Variants in ATF7 observed in about 807,000 individuals in gnomAD.
ATF7 encodes cyclic AMP-dependent transcription factor ATF-7.
ATF7 carries 10 observed loss-of-function variants against 50.4 expected under a neutral mutation model. That is an observed-to-expected ratio of 0.20 (90% CI 0.12 to 0.34). ATF7 has a LOEUF of 0.34. ATF7 is among the 10% of genes least tolerant of loss of function. The pLI, the probability that ATF7 is intolerant of heterozygous loss-of-function variation, is 1.00. For missense variants in ATF7, 465 were observed against 613.9 expected (o/e 0.76, Z 2.56); for synonymous variants, 201 against 226.4 (o/e 0.89, Z 1.01).
chr12:53,527,360 T>C (rs1263831222), intron 9 of ATF7, among the ~76,000 whole-genome samples: 2 of 151,702 alleles, frequency 1.3e-5, no homozygotes, highest in Admixed American at 1.3e-4. Flanking sequence ...TGCATTCCTG[T>C]CATTCCAGCT....
At chr12:53,610,440 CT>C (rs1359500688) in intron 1 of ATF7, among the ~76,000 whole-genome samples, 1 of 151,884 alleles carries the variant, frequency 6.6e-6, no homozygotes, top group Non-Finnish European at 1.5e-5. Flanking sequence ...TGGCAGGCAC[CT>C]GTAATCCCAG....
chr12:53,614,472 TACCTTTTA>T (rs1405875233), intron 1 of ATF7, among the ~76,000 whole-genome samples: 2 of 152,208 alleles, frequency 1.3e-5, no homozygotes, highest in African/African-American at 4.8e-5. Flanking sequence ...CTTTTAAAAT[TACCTTTTA>T]ATTTAAAGGA....
chr12:53,574,946 C>G, intron 2 of ATF7: 1 of 231,010 alleles, frequency 4.3e-6, no homozygotes, highest in Non-Finnish European at 8.4e-6. Flanking sequence ...TGCCATTGAG[C>G]TTAAGCCAAA....
At chr12:53,564,020 T>C (rs1404519466) in intron 2 of ATF7, among the ~76,000 whole-genome samples, 1 of 152,240 alleles carries the variant, frequency 6.6e-6, no homozygotes, top group Non-Finnish European at 1.5e-5. Context: ...GCCATGGTCT[T>C]TGTGGGTCAA....
chr12:53,547,064 A>T (rs1939976836), intron 3 of ATF7, among the ~76,000 whole-genome samples: 1 of 143,212 alleles, frequency 7.0e-6, no homozygotes, highest in Admixed American at 7.3e-5. Context: ...GGCTCACTGC[A>T]AGCTCCACCT....
At chr12:53,532,842 G>T (rs147525955) in intron 7 of ATF7, among the ~76,000 whole-genome samples, 295 of 152,300 alleles carry the variant, frequency 1.9e-3, no homozygotes, top group Non-Finnish European at 3.0e-3. Flanking sequence ...AATTTCTGTG[G>T]GAAGGGTTGG....
At chr12:53,611,401 C>T (rs1017776180) in intron 1 of ATF7, among the ~76,000 whole-genome samples, 6 of 151,984 alleles carry the variant, frequency 3.9e-5, no homozygotes, top group African/African-American at 1.2e-4. Context: ...TGCAGTGGGC[C>T]GAGATCACGC....
chr12:53,577,047 A>C (rs1301289989), intron 2 of ATF7, among the ~76,000 whole-genome samples: 2 of 152,070 alleles, frequency 1.3e-5, no homozygotes, highest in African/African-American at 4.8e-5. Context: ...CCAAGAGAGA[A>C]TCTGTCTCAA....
At chr12:53,621,788 C>CAAA (rs559780353) in intron 1 of ATF7, among the ~76,000 whole-genome samples, 11 of 81,502 alleles carry the variant, frequency 1.3e-4, no homozygotes, top group East Asian at 6.5e-4. Flanking sequence ...GACTCTGTCT[C>CAAA]AAAAAAAAAA....
At chr12:53,621,335 C>T (rs1260130932) in intron 1 of ATF7, among the ~76,000 whole-genome samples, 1 of 151,940 alleles carries the variant, frequency 6.6e-6, no homozygotes, top group Non-Finnish European at 1.5e-5. Flanking sequence ...TTACCAGTGA[C>T]CTAAAACAAA....
At chr12:53,560,775 C>T (rs1324436922) in intron 2 of ATF7, among the ~76,000 whole-genome samples, 1 of 152,078 alleles carries the variant, frequency 6.6e-6, no homozygotes, top group Non-Finnish European at 1.5e-5. Context: ...TGTAAACTAT[C>T]AAGAAATAAT....
rs540527840 is a variant in ATF7, at chr12:53,621,703, C to T, written c.-22+4576G>A. ...ACTCTGGTGGCTGAGGCAGGAGAAT[C>T]GCTTGAACCCGGGAGGCGGAGGTTG... is the stretch of plus-strand genomic sequence containing the variant. On this transcript the variant is annotated intron_variant, in intron 1 of 11. Transcript: ENST00000420353. 4.7e-5 allele frequency among the ~76,000 whole-genome samples: 7 copies of T among 148,860 alleles called. No individual in the cohort carries two copies. In the South Asian group the frequency reaches 1.3e-3, roughly 27 times the overall value.
intron 11 of ATF7, among the ~76,000 whole-genome samples, chr12:53,518,578 C>G (rs1937876108): frequency 6.6e-6 from 1 of 152,250 alleles, no homozygotes; most frequent in Non-Finnish European, 1.5e-5. Context: ...CTGCTTCAGA[C>G]TCCCAAATTG....
intron 2 of ATF7, among the ~76,000 whole-genome samples, chr12:53,553,251 T>C (rs1940499199): frequency 6.6e-6 from 1 of 152,166 alleles, no homozygotes; most frequent in Admixed American, 6.6e-5. Flanking sequence ...TAATGGCACA[T>C]ACCAGCCCCA....
chr12:53,574,004 C>T (rs990303857), intron 2 of ATF7, among the ~76,000 whole-genome samples: 1 of 152,150 alleles, frequency 6.6e-6, no homozygotes, highest in Non-Finnish European at 1.5e-5. Flanking sequence ...TTACTAGGGA[C>T]GTATTTACCA....
At chr12:53,547,074 T>C (rs1014766537) in intron 3 of ATF7, among the ~76,000 whole-genome samples, 5 of 140,056 alleles carry the variant, frequency 3.6e-5, no homozygotes, top group Non-Finnish European at 7.6e-5. Flanking sequence ...AAGCTCCACC[T>C]CCCGGGTTCA....
intron 9 of ATF7, among the ~76,000 whole-genome samples, chr12:53,526,296 CT>C (rs147176045): frequency 0.11 from 16,167 of 151,680 alleles, 1,030 homozygotes; most frequent in Admixed American, 0.19. Context: ...TCTGCTACCC[CT>C]GAGACAGCAA....
rs150964415 is a variant in ATF7, at chr12:53,621,012, G to C, written c.-22+5267C>G. Among the ~76,000 whole-genome samples the C allele has an allele frequency of 2.0e-3, 298 of 152,328 alleles. 1 individual carries two copies. The highest frequency in any genetic ancestry group is 7.0e-3 in the African/African-American group (293 of 41,568). Reference sequence around the variant, plus strand: ...ATGAATTATTAAACAGATCACTTATGAACCACTGGCAAGTTATGCAGTGAT... The same window carrying C: ...ATGAATTATTAAACAGATCACTTATCAACCACTGGCAAGTTATGCAGTGAT... On this transcript the variant is annotated intron_variant, in intron 1 of 11. Coordinates refer to ENST00000420353, the MANE Select transcript of ATF7 (RefSeq NM_006856.3).
chr12:53,580,442 A>G (rs926045189), intron 2 of ATF7, among the ~76,000 whole-genome samples: 1 of 150,864 alleles, frequency 6.6e-6, no homozygotes, highest in Admixed American at 6.6e-5. Flanking sequence ...AGGCGGGTAG[A>G]TCACAAGGTC....
Sources: gnomAD v4.1 joint callset for allele counts (sites outside exome capture counted in the v4.1 genomes callset) on GRCh38, gnomAD v4.1.1 for gene constraint, MANE v1.5 for transcripts, NCBI Gene and HGNC (gene_info 2026-07-23, HGNC 2026-07-21) for gene names.